Variants in SBNO1 observed in about 807,000 individuals in gnomAD.
SBNO1 encodes the protein strawberry notch homolog 1.
SBNO1 carries 23 observed loss-of-function variants against 173.6 expected under a neutral mutation model. That is an observed-to-expected ratio of 0.13 (90% CI 0.10 to 0.19). SBNO1 has a LOEUF of 0.19. SBNO1 is among the 10% of genes least tolerant of loss of function. The pLI is 1.00. For synonymous variants in SBNO1, 632 were observed against 571.5 expected, an observed-to-expected ratio of 1.11 and a Z score of -1.51; for missense variants, 1,238 against 1,671.2, an observed-to-expected ratio of 0.74 and a Z score of 4.52.
intron 16 of SBNO1, among the ~76,000 whole-genome samples, chr12:123,322,359 A>G (rs1870084828): frequency 6.6e-6 from 1 of 151,996 alleles, no homozygotes. Flanking sequence ...CAGTGGCATA[A>G]TCTTGGCTCA....
At chr12:123,361,991 T>G (rs980318392) in intron 1 of SBNO1, among the ~76,000 whole-genome samples, 2 of 150,130 alleles carry the variant, frequency 1.3e-5, no homozygotes, top group Non-Finnish European at 3.0e-5. Flanking sequence ...ATACGAAAAT[T>G]AGCCGGGCAT....
intron 4 of SBNO1, among the ~76,000 whole-genome samples, chr12:123,344,927 G>A (rs1013459411): frequency 1.4e-4 from 21 of 152,140 alleles, no homozygotes; most frequent in African/African-American, 4.3e-4. Context: ...CCACAGATGA[G>A]TCACAAGTAA....
chr12:123,361,225 CAA>C (rs1875119228), intron 1 of SBNO1, among the ~76,000 whole-genome samples: 1 of 150,562 alleles, frequency 6.6e-6, no homozygotes, highest in South Asian at 2.1e-4. Flanking sequence ...GCCTGGGCAA[CAA>C]AGTGAGACTC....
chr12:123,361,786 T>C (rs1875232344), intron 1 of SBNO1, among the ~76,000 whole-genome samples: 1 of 149,946 alleles, frequency 6.7e-6, no homozygotes, highest in African/African-American at 2.5e-5. Flanking sequence ...AATGAATGAA[T>C]GAATGAATAG....
Position 123,326,350 on chromosome 12 carries a change from C to CTT in SBNO1, c.1693-17_1693-16insAA. The stretch of plus-strand genomic sequence containing the variant: ...CGATGACCCACTGAAGATACATAAT[C>CTT]AACATTTCAGACACTTCATCTTTGA... On this transcript the variant is annotated splice_polypyrimidine_tract_variant and intron_variant, in intron 13 of 31. Coordinates refer to ENST00000602398, the MANE Select transcript of SBNO1 (RefSeq NM_001167856.3). 6.5e-7 allele frequency: 1 copy of CTT among 1,548,152 alleles called. No individual in the cohort carries two copies. Among genetic ancestry groups the CTT allele is most frequent in the Non-Finnish European group, 8.8e-7 (1 of 1,142,208 alleles).
At position 123,290,514 on chromosome 12, in the gene SBNO1, A is replaced by G. The variant is rs191739492; in HGVS notation, c.*5394T>C. The G allele has an allele frequency of 4.6e-5, 7 of 152,246 alleles. No individual in the cohort carries two copies. Among genetic ancestry groups the G allele is most frequent in the Admixed American group, 2.0e-4 (3 of 15,294 alleles). 9.4% of individuals were successfully genotyped at this position (152,246 alleles called of 1,614,324 possible). On this transcript the variant is annotated 3_prime_UTR_variant, in exon 32 of 32. Transcript: ENST00000602398. ...CATCCGGGTCTTCCCAACTCGAATT[A>G]TTAAAAACGCCTCGATCCCGCTCTG...
intron 16 of SBNO1, among the ~76,000 whole-genome samples, chr12:123,322,107 TTAGAAAATCAA>T (rs1283575209): frequency 2.0e-5 from 3 of 152,184 alleles, no homozygotes; most frequent in Admixed American, 6.6e-5. Context: ...CATGGAATAC[TTAGAAAATCAA>T]TAGAAAATCA....
rs62698860 is a variant in SBNO1, at chr12:123,359,554, C to CAA, written c.-1+5145_-1+5146dup. Among the ~76,000 whole-genome samples, 342 of 136,754 alleles carry CAA rather than the reference C, an allele frequency of 2.5e-3. 1 individual carries two copies. The highest frequency in any genetic ancestry group is 3.7e-3 in the Middle Eastern group (1 of 268). 89.7% of individuals were successfully genotyped at this position (136,754 alleles called of 152,430 possible). On this transcript the variant is annotated intron_variant, in intron 1 of 31. Transcript: ENST00000602398. ...TGGGCAACAGAGGGAGACTCCGTCT[C>CAA]AAAAAAAAAAAAAAGATATATATAT...
rs754764439 is a variant in SBNO1 at position 123,291,889 on chromosome 12, G to C, written c.*4019C>G. On this transcript the variant is annotated 3_prime_UTR_variant, in exon 32 of 32. Coordinates refer to ENST00000602398, the MANE Select transcript of SBNO1 (RefSeq NM_001167856.3). ...TATATAAATACAGCACAAAATTAGA[G>C]GGTGGGTTTTGGATTTTATCTCAAG... 6.6e-6 allele frequency: 1 copy of C among 151,900 alleles called. No homozygotes were observed. Among genetic ancestry groups the C allele is most frequent in the African/African-American group, 2.4e-5 (1 of 41,326 alleles). 9.4% of individuals were successfully genotyped at this position (151,900 alleles called of 1,614,324 possible).
rs71765792 is a variant in SBNO1 at position 123,312,081 on chromosome 12, CTT to C, written c.3221-954_3221-953del. 1.1e-4 allele frequency among the ~76,000 whole-genome samples: 16 copies of C among 144,416 alleles called. No homozygotes were observed. In the East Asian group the frequency reaches 1.4e-3, roughly 13 times the overall value. 94.7% of individuals were successfully genotyped at this position (144,416 alleles called of 152,430 possible). On this transcript the variant is annotated intron_variant, in intron 24 of 31. Coordinates refer to ENST00000602398, the MANE Select transcript of SBNO1 (RefSeq NM_001167856.3). Reference sequence around the variant, plus strand: ...AGAAGTTAGAAGTAAATCAAGGAATCTTTTTTTTTTTTTTCTGAGACAGGGTC... The same window carrying C: ...AGAAGTTAGAAGTAAATCAAGGAATCTTTTTTTTTTTTCTGAGACAGGGTC...
chr12:123,320,260 ACACT>A (rs1869799173), intron 19 of SBNO1, among the ~76,000 whole-genome samples, 168 bp downstream of exon 19: 1 of 152,248 alleles, frequency 6.6e-6, no homozygotes, highest in Admixed American at 6.5e-5. Flanking sequence ...CTTGGGACAG[ACACT>A]CAGATACTGC....
At chr12:123,358,076 T>C (rs1251782557) in intron 1 of SBNO1, among the ~76,000 whole-genome samples, 2 of 152,242 alleles carry the variant, frequency 1.3e-5, no homozygotes, top group Non-Finnish European at 2.9e-5. Flanking sequence ...TTTTGGATTT[T>C]GGAATACCTG....
chr12:123,340,784 C>T (rs180747930), intron 5 of SBNO1, among the ~76,000 whole-genome samples: 8 of 152,206 alleles, frequency 5.3e-5, no homozygotes, highest in African/African-American at 1.9e-4. Context: ...TAGTGCCACA[C>T]TCCATCAATC....
intron 16 of SBNO1, among the ~76,000 whole-genome samples, chr12:123,322,973 T>C (rs1357435886): frequency 6.6e-6 from 1 of 152,088 alleles, no homozygotes; most frequent in Non-Finnish European, 1.5e-5. Context: ...GGTCTGACAA[T>C]ACAAAGACAC....
chr12:123,363,085 CA>C (rs1875571823), intron 1 of SBNO1, among the ~76,000 whole-genome samples: 1 of 151,600 alleles, frequency 6.6e-6, no homozygotes, highest in Non-Finnish European at 1.5e-5. Flanking sequence ...GACCCTGTCT[CA>C]AAAATTTAAA....
chr12:123,294,840 A>T lies in SBNO1; in HGVS notation c.*1068T>A, dbSNP rs2048569791. ...CTTGAGATAAACTCTACGTCTTACA[A>T]CACATTAAACAATATTCAAGTTACT... On this transcript the variant is annotated 3_prime_UTR_variant, in exon 32 of 32. Transcript: ENST00000602398. 1 of 152,086 alleles carries T rather than the reference A, an allele frequency of 6.6e-6. No individual in the cohort carries two copies. The highest frequency in any genetic ancestry group is 1.5e-5 in the Non-Finnish European group (1 of 68,242). The allele number at this position is 152,086 out of a possible 1,614,324, so 9.4% of individuals were successfully genotyped here. A position where few individuals can be genotyped will look rare whatever the true frequency, so the allele number is the denominator to read the frequency against.
intron 1 of SBNO1, among the ~76,000 whole-genome samples, chr12:123,357,045 T>G (rs752607212): frequency 1.3e-5 from 2 of 152,176 alleles, no homozygotes; most frequent in Non-Finnish European, 2.9e-5. Flanking sequence ...ATACAGTTCA[T>G]CAACAAATAT....
In SBNO1 at chr12:123,290,754, T is replaced by C. The variant is rs2048499330; in HGVS notation, c.*5154A>G. On this transcript the variant is annotated 3_prime_UTR_variant, in exon 32 of 32. Coordinates refer to ENST00000602398, the MANE Select transcript of SBNO1 (RefSeq NM_001167856.3). ...GTACATTCTCTCTCTTTTTTTTTTTTCGAGACGGAGTCTCGGTCTGTTGCC... is the reference window on the plus strand; with the variant it reads ...GTACATTCTCTCTCTTTTTTTTTTTCCGAGACGGAGTCTCGGTCTGTTGCC... The C allele has an allele frequency of 6.6e-6, 1 of 152,024 alleles. No homozygotes were observed. The highest frequency in any genetic ancestry group is 1.5e-5 in the Non-Finnish European group (1 of 68,078). 9.4% of individuals were successfully genotyped at this position (152,024 alleles called of 1,614,324 possible).
chr12:123,324,365 A>G (rs1005578992), intron 15 of SBNO1, among the ~76,000 whole-genome samples: 33 of 147,090 alleles, frequency 2.2e-4, no homozygotes, highest in African/African-American at 8.1e-4. Flanking sequence ...TCTGTCACCC[A>G]GGCTGGAGTG....
Sources: allele counts gnomAD v4.1 joint callset (sites outside exome capture counted in the v4.1 genomes callset), GRCh38; gene constraint gnomAD v4.1.1; transcripts MANE v1.5; gene names NCBI Gene and HGNC (gene_info 2026-07-23, HGNC 2026-07-21).